The following NCAM2 variants were observed in gnomAD, a reference collection of about 807,000 sequenced individuals.
NCAM2 encodes N-CAM-2.
Under a neutral mutation model 98.1 loss-of-function variants are expected in NCAM2, and 30 were observed. The observed-to-expected ratio is 0.31, with a 90% CI of 0.23 to 0.41. The LOEUF (loss-of-function observed/expected upper bound fraction) is 0.41. Among genes scored for constraint, NCAM2 ranks in the 10% least tolerant of loss-of-function variants. The pLI is 1.00. For missense variants in NCAM2, 867 were observed against 1,005.8 expected, an observed-to-expected ratio of 0.86 and a Z score of 1.87; for synonymous variants, 368 against 342.4, an observed-to-expected ratio of 1.07 and a Z score of -0.83.
At chr21:21,305,296 C>A (rs796168227) in intron 5 of NCAM2, among the ~76,000 whole-genome samples, 18 of 151,972 alleles carry the variant, frequency 1.2e-4, no homozygotes, top group African/African-American at 3.1e-4. Context: ...CCAGCCTGGG[C>A]GATAGAGCAA....
At chr21:21,075,585 A>G (rs2065665007) in intron 1 of NCAM2, among the ~76,000 whole-genome samples, 1 of 152,092 alleles carries the variant, frequency 6.6e-6, no homozygotes, top group Non-Finnish European at 1.5e-5. Context: ...TTATGTTGTT[A>G]CCTGTAGAGT....
rs978265129 is a variant in NCAM2 at position 21,167,994 on chromosome 21, A to T, written c.56-112584A>T. On this transcript the variant is annotated intron_variant, in intron 1 of 17. Transcript: ENST00000400546. ...TACCCTAATACTAAATTACATGAAG[A>T]TATTATAAGAAAAAAAACTACAGTC... is the stretch of plus-strand genomic sequence containing the variant. Among the ~76,000 whole-genome samples the T allele has an allele frequency of 2.0e-5, 3 of 152,234 alleles. 1 individual carries two copies. The South Asian group carries it at 6.2e-4, about 32-fold the overall frequency.
chr21:21,128,605 G>A (rs191491569), intron 1 of NCAM2, among the ~76,000 whole-genome samples: 7 of 152,130 alleles, frequency 4.6e-5, no homozygotes, highest in African/African-American at 1.4e-4. Flanking sequence ...AAGTAGTGTC[G>A]AATAATGATT....
intron 15 of NCAM2, among the ~76,000 whole-genome samples, chr21:21,479,436 T>C (rs1985575636): frequency 1.3e-5 from 2 of 150,952 alleles, no homozygotes; most frequent in African/African-American, 2.4e-5. Flanking sequence ...AGAAAAAAAT[T>C]AGCCGGGCGT....
intron 1 of NCAM2, among the ~76,000 whole-genome samples, chr21:21,217,898 A>AT (rs1329131766): frequency 1.3e-5 from 2 of 152,206 alleles, no homozygotes; most frequent in East Asian, 1.9e-4. Context: ...GATGGCAAGA[A>AT]CACAGGCTGA....
chr21:21,123,549 T>G (rs573197832), intron 1 of NCAM2, among the ~76,000 whole-genome samples: 2 of 152,194 alleles, frequency 1.3e-5, no homozygotes, highest in African/African-American at 2.4e-5. Flanking sequence ...TGTAACACAC[T>G]GGTTCCCGAG....
chr21:21,082,025 C>T (rs1279387708), intron 1 of NCAM2, among the ~76,000 whole-genome samples: 4 of 151,234 alleles, frequency 2.6e-5, no homozygotes, highest in Middle Eastern at 3.4e-3. Flanking sequence ...ATCAGGAGTT[C>T]GAGACCAGCC....
intron 1 of NCAM2, among the ~76,000 whole-genome samples, chr21:21,172,430 T>C (rs946153312): frequency 6.6e-6 from 1 of 152,138 alleles, no homozygotes; most frequent in Non-Finnish European, 1.5e-5. Context: ...AACTTTTTAT[T>C]CTAGTCATGT....
At chr21:21,005,386 A>C (rs1463230566) in intron 1 of NCAM2, among the ~76,000 whole-genome samples, 2 of 152,194 alleles carry the variant, frequency 1.3e-5, no homozygotes, top group Non-Finnish European at 2.9e-5. Flanking sequence ...TAACAGAAAA[A>C]AAAGGTTATA....
chr21:21,265,537 A>G (rs1345526124), intron 1 of NCAM2, among the ~76,000 whole-genome samples: 1 of 147,504 alleles, frequency 6.8e-6, no homozygotes, highest in South Asian at 2.1e-4. Context: ...ATATGTGTGT[A>G]TGTATATATG....
At chr21:21,038,472 A>G (rs1049900771) in intron 1 of NCAM2, among the ~76,000 whole-genome samples, 3 of 152,080 alleles carry the variant, frequency 2.0e-5, no homozygotes, top group Admixed American at 1.3e-4. Context: ...GTGTGAGGTA[A>G]TTGAATCATG....
chr21:21,002,630 A>G (rs1170756568), intron 1 of NCAM2, among the ~76,000 whole-genome samples: 1 of 152,026 alleles, frequency 6.6e-6, no homozygotes, highest in Non-Finnish European at 1.5e-5. Flanking sequence ...ATTGTAACTT[A>G]TCTCTTTTCA....
At chr21:21,013,516 T>C (rs2146147956) in intron 1 of NCAM2, among the ~76,000 whole-genome samples, 1 of 152,250 alleles carries the variant, frequency 6.6e-6, no homozygotes, top group Admixed American at 6.5e-5. Context: ...ACGTGGTGGC[T>C]CACACCTGTA....
At chr21:21,002,086 T>G (rs1375009051) in intron 1 of NCAM2, among the ~76,000 whole-genome samples, 3 of 152,170 alleles carry the variant, frequency 2.0e-5, no homozygotes, top group Non-Finnish European at 4.4e-5. Context: ...TTCTATTAAA[T>G]CGACTGGGTC....
chr21:21,349,097 A>C (rs1330572230), intron 8 of NCAM2, among the ~76,000 whole-genome samples: 5 of 152,164 alleles, frequency 3.3e-5, no homozygotes, highest in Admixed American at 3.3e-4. Flanking sequence ...GATCACATCA[A>C]ATTAAAAGCC....
chr21:21,157,599 T>C (rs1601524564), intron 1 of NCAM2, among the ~76,000 whole-genome samples: 1 of 152,192 alleles, frequency 6.6e-6, no homozygotes, highest in African/African-American at 2.4e-5. Flanking sequence ...TTACACTTTG[T>C]AATGTGTTCC....
chr21:21,053,516 A>C (rs2065153253), intron 1 of NCAM2, among the ~76,000 whole-genome samples: 1 of 151,762 alleles, frequency 6.6e-6, no homozygotes, highest in Admixed American at 6.6e-5. Flanking sequence ...CTGAAGGTCA[A>C]CTTTGTAGAC....
At chr21:21,476,497 A>G (rs1361602005) in intron 14 of NCAM2, among the ~76,000 whole-genome samples, 1 of 152,086 alleles carries the variant, frequency 6.6e-6, no homozygotes, top group Non-Finnish European at 1.5e-5. Flanking sequence ...TTCTGTGTTT[A>G]AATTTTTAAT....
intron 1 of NCAM2, among the ~76,000 whole-genome samples, chr21:21,131,284 G>A (rs1386879000): frequency 1.3e-5 from 2 of 149,398 alleles, no homozygotes; most frequent in African/African-American, 4.9e-5. Flanking sequence ...TTTTCTGGGG[G>A]GGGGCTTTAA....
Sources: gnomAD v4.1 joint callset for allele counts (sites outside exome capture counted in the v4.1 genomes callset) on GRCh38, gnomAD v4.1.1 for gene constraint, MANE v1.5 for transcripts, NCBI Gene and HGNC (gene_info 2026-07-23, HGNC 2026-07-21) for gene names.